The following MEI4 variants were observed in gnomAD, a reference collection of about 807,000 sequenced individuals.
The protein encoded by MEI4 is meiotic double-stranded break formation protein 4, also known as meiosis-specific protein MEI4.
MEI4 carries 27 observed loss-of-function variants against 31.4 expected under a neutral mutation model. The ratio of observed to expected loss-of-function variants is 0.86; its 90% CI spans 0.63 to 1.19. The LOEUF is 1.19. MEI4 is among the 50% of genes most tolerant of loss of function. The pLI is 0.00. For missense variants in MEI4, 329 were observed against 398.9 expected (o/e 0.82, Z 1.49); for synonymous variants, 122 against 145.4 (o/e 0.84, Z 1.16).
upstream of MEI4, among the ~76,000 whole-genome samples, chr6:77,651,540 T>G (rs1768301069): frequency 6.6e-6 from 1 of 152,186 alleles, no homozygotes; most frequent in Non-Finnish European, 1.5e-5. Context: ...ATTGATCACT[T>G]TTGGGGGACT....
chr6:77,834,850 C>T (rs1770175943), intron 4 of MEI4, among the ~76,000 whole-genome samples: 1 of 152,078 alleles, frequency 6.6e-6, no homozygotes, highest in Non-Finnish European at 1.5e-5. Flanking sequence ...CAGTAAAGTA[C>T]CCGGTAGGAC....
At chr6:77,863,722 A>G (rs1770935878) in intron 4 of MEI4, among the ~76,000 whole-genome samples, 1 of 152,182 alleles carries the variant, frequency 6.6e-6, no homozygotes, top group African/African-American at 2.4e-5. Flanking sequence ...TTCAGGAAAC[A>G]CAGAGAATGC....
Position 77,926,640 on chromosome 6 carries a change from T to A in MEI4, c.*3294T>A, listed in dbSNP as rs1248422478. ...TACAGATTTTCTGAACGCCATATTA[T>A]GGGGAAAATATTGACAGCTCTGCTT... On this transcript the variant is annotated 3_prime_UTR_variant, in exon 5 of 5. Transcript: ENST00000684080. 1 of 151,966 alleles carries A rather than the reference T, an allele frequency of 6.6e-6. No individual in the cohort carries two copies. The highest frequency in any genetic ancestry group is 1.5e-5 in the Non-Finnish European group (1 of 67,938). 9.4% of individuals were successfully genotyped at this position (151,966 alleles called of 1,614,324 possible). A position where few individuals can be genotyped will look rare whatever the true frequency, so the allele number is the denominator to read the frequency against.
Position 77,925,176 on chromosome 6 carries a change from T to C in MEI4, c.*1830T>C, listed in dbSNP as rs1562042825. On this transcript the variant is annotated 3_prime_UTR_variant, in exon 5 of 5. Coordinates refer to ENST00000684080, the MANE Select transcript of MEI4 (RefSeq NM_001322247.2). ...AACGTAATGATCAGCTAAGAGACTT[T>C]TGGAGCTACAACAAATTTATTAATT... 6.6e-6 allele frequency: 1 copy of C among 151,880 alleles called. No individual in the cohort carries two copies. The highest frequency in any genetic ancestry group is 1.5e-5 in the Non-Finnish European group (1 of 67,894). 9.4% of individuals were successfully genotyped at this position (151,880 alleles called of 1,614,324 possible). A position where few individuals can be genotyped will look rare whatever the true frequency, so the allele number is the denominator to read the frequency against.
At chr6:77,806,917 T>C (rs1394447273) in intron 3 of MEI4, among the ~76,000 whole-genome samples, 1 of 151,976 alleles carries the variant, frequency 6.6e-6, no homozygotes. Context: ...AATGGCAGAG[T>C]TGGGTAGTTC....
intron 2 of MEI4, among the ~76,000 whole-genome samples, chr6:77,692,158 G>A (rs1364134626): frequency 6.6e-6 from 1 of 151,800 alleles, no homozygotes; most frequent in African/African-American, 2.4e-5. Context: ...CCTCTCCTAG[G>A]TTCTTCTCTT....
chr6:77,823,847 C>T (rs562682146), intron 3 of MEI4, among the ~76,000 whole-genome samples: 4 of 152,046 alleles, frequency 2.6e-5, no homozygotes, highest in East Asian at 3.9e-4. Flanking sequence ...ACCATCTGTC[C>T]CTGGGTCTCT....
chr6:77,862,369 C>G (rs890812446), intron 4 of MEI4, among the ~76,000 whole-genome samples: 3 of 152,204 alleles, frequency 2.0e-5, no homozygotes, highest in African/African-American at 7.2e-5. Context: ...TCAGGTCACT[C>G]CCACACTAAT....
At chr6:77,828,241 TC>T (rs1391487259) in intron 3 of MEI4, among the ~76,000 whole-genome samples, 1 of 151,346 alleles carries the variant, frequency 6.6e-6, no homozygotes, top group Non-Finnish European at 1.5e-5. Flanking sequence ...AATTCAGGGG[TC>T]CCTAGCCACC....
At chr6:77,920,737 T>C (rs1766683791) in intron 4 of MEI4, among the ~76,000 whole-genome samples, 2 of 151,866 alleles carry the variant, frequency 1.3e-5, no homozygotes, top group African/African-American at 4.8e-5. Context: ...GCAAAATAGA[T>C]GTGTTTGTAG....
intron 2 of MEI4, among the ~76,000 whole-genome samples, chr6:77,738,666 A>G (rs886938151): frequency 1.3e-5 from 2 of 152,204 alleles, no homozygotes; most frequent in Non-Finnish European, 1.5e-5. Context: ...AGGAATTGCC[A>G]CACTGTATTC....
chr6:77,788,037 C>T (rs1222392860), intron 3 of MEI4, among the ~76,000 whole-genome samples: 5 of 152,058 alleles, frequency 3.3e-5, no homozygotes, highest in African/African-American at 1.2e-4. Context: ...GGGAGGATTC[C>T]CTCTTTTTCT....
intron 2 of MEI4, among the ~76,000 whole-genome samples, chr6:77,758,598 C>A: frequency 6.6e-6 from 1 of 152,102 alleles, no homozygotes; most frequent in Non-Finnish European, 1.5e-5. Context: ...TTCCTGTATG[C>A]CAATAGTAGT....
rs9448173 is a variant in MEI4 at position 77,699,282 on chromosome 6, C to T, written c.232+8379C>T. 6.9e-3 allele frequency among the ~76,000 whole-genome samples: 1,047 copies of T among 151,110 alleles called. 13 individuals are homozygous for T. The highest frequency in any genetic ancestry group is 0.024 in the African/African-American group (978 of 41,208). Reference sequence around the variant, plus strand: ...TCGGCTCACTGCAAGCTCGGCCTCCCGGGTTCACGCCATTCTCCTGCCTCA... The same window carrying T: ...TCGGCTCACTGCAAGCTCGGCCTCCTGGGTTCACGCCATTCTCCTGCCTCA... On this transcript the variant is annotated intron_variant, in intron 2 of 4. Coordinates refer to ENST00000684080, the MANE Select transcript of MEI4 (RefSeq NM_001322247.2).
intron 1 of MEI4, among the ~76,000 whole-genome samples, chr6:77,668,891 T>C (rs1235867557): frequency 6.6e-6 from 1 of 152,210 alleles, no homozygotes; most frequent in African/African-American, 2.4e-5. Flanking sequence ...TTTTCTAAAG[T>C]GCCAGCTTTC....
chr6:77,733,590 A>G (rs1767082216), intron 2 of MEI4, among the ~76,000 whole-genome samples: 1 of 151,802 alleles, frequency 6.6e-6, no homozygotes, highest in Non-Finnish European at 1.5e-5. Context: ...TCCTGGATTG[A>G]TTAATTTTTT....
intron 2 of MEI4, among the ~76,000 whole-genome samples, chr6:77,744,233 C>T (rs12055522): frequency 9.2e-5 from 14 of 151,784 alleles, no homozygotes; most frequent in African/African-American, 2.9e-4. Context: ...AAAATTTAGA[C>T]GAATGTATAA....
chr6:77,793,440 T>C (rs2127697036), intron 3 of MEI4, among the ~76,000 whole-genome samples: 1 of 152,224 alleles, frequency 6.6e-6, no homozygotes, highest in African/African-American at 2.4e-5. Flanking sequence ...AAGATGAAAA[T>C]ACATGAAATG....
chr6:77,878,378 T>G (rs190243626), intron 4 of MEI4, among the ~76,000 whole-genome samples: 1 of 152,218 alleles, frequency 6.6e-6, no homozygotes, highest in Admixed American at 6.5e-5. Flanking sequence ...TTTTAAATAG[T>G]TTTTTAGGTA....
Sources: gnomAD v4.1 joint callset for allele counts (sites outside exome capture counted in the v4.1 genomes callset) on GRCh38, gnomAD v4.1.1 for gene constraint, MANE v1.5 for transcripts, NCBI Gene and HGNC (gene_info 2026-07-23, HGNC 2026-07-21) for gene names.